The following SLC25A24 variants were observed in gnomAD, a reference collection of about 807,000 sequenced individuals.
The protein encoded by SLC25A24 is mitochondrial adenyl nucleotide antiporter SLC25A24.
SLC25A24 carries 49 observed loss-of-function variants against 60.7 expected under a neutral mutation model. That is an observed-to-expected ratio of 0.81 (90% CI 0.64 to 1.02). The LOEUF is 1.02. SLC25A24 is among the 50% of genes least tolerant of loss of function. The pLI is 0.00. For synonymous variants in SLC25A24, 202 were observed against 200.6 expected (o/e 1.01, Z -0.06); for missense variants, 564 against 586.3 (o/e 0.96, Z 0.39).
rs1380606227 is a variant in SLC25A24, at chr1:108,142,319, A to C, written c.1098+1224T>G. Among the ~76,000 whole-genome samples, 5 of 152,170 alleles carry C rather than the reference A, an allele frequency of 3.3e-5. No homozygotes were observed. The East Asian group carries it at 9.6e-4, about 29-fold the overall frequency. On this transcript the variant is annotated intron_variant, in intron 8 of 9. Transcript: ENST00000565488. ...AGACTCGAACAGATACGCAGATGCC[A>C]ATGTTCACTGCAGCATTATTCACAA...
intron 3 of SLC25A24, among the ~76,000 whole-genome samples, chr1:108,166,248 T>C (rs1001691463): frequency 3.9e-5 from 6 of 152,058 alleles, no homozygotes; most frequent in African/African-American, 1.4e-4. Context: ...ATTTCAACTT[T>C]GGTGAATCTG....
At position 108,145,168 on chromosome 1, in the gene SLC25A24, C is replaced by A. The variant is rs143296125; in HGVS notation, c.931-1458G>T. 2.6e-5 allele frequency among the ~76,000 whole-genome samples: 4 copies of A among 152,298 alleles called. No individual in the cohort carries two copies. In the East Asian group the frequency reaches 7.7e-4, roughly 29 times the overall value. ...TTTTGATTTGCATTTCTCTAACAAC[C>A]AGGGATGATGAGCCTTTTCTCACGT... On this transcript the variant is annotated intron_variant, in intron 7 of 9. Coordinates refer to ENST00000565488, the MANE Select transcript of SLC25A24 (RefSeq NM_013386.5).
chr1:108,146,189 G>A (rs1465898242), intron 7 of SLC25A24, among the ~76,000 whole-genome samples: 2 of 152,278 alleles, frequency 1.3e-5, no homozygotes, highest in South Asian at 2.1e-4. Context: ...GTGGATGGGA[G>A]TTCACTCGTG....
At chr1:108,173,016 T>C (rs961367260) in intron 3 of SLC25A24, among the ~76,000 whole-genome samples, 1 of 152,142 alleles carries the variant, frequency 6.6e-6, no homozygotes. Context: ...ATACCAATTA[T>C]ATATTAGTCA....
At chr1:108,164,717 A>G (rs555050227) in intron 3 of SLC25A24, among the ~76,000 whole-genome samples, 29 of 144,498 alleles carry the variant, frequency 2.0e-4, no homozygotes, top group African/African-American at 7.1e-4. Flanking sequence ...CGGTCTATCA[A>G]TTTTGTTGAT....
chr1:108,170,717 AATT>A (rs1647433669), intron 3 of SLC25A24, among the ~76,000 whole-genome samples: 1 of 152,036 alleles, frequency 6.6e-6, no homozygotes, highest in African/African-American at 2.4e-5. Context: ...TATTAATAAT[AATT>A]AACAGTTGAT....
chr1:108,194,947 TATAATA>T (rs1648447081), intron 1 of SLC25A24, among the ~76,000 whole-genome samples: 1 of 152,236 alleles, frequency 6.6e-6, no homozygotes, highest in Admixed American at 6.5e-5. Context: ...TTCCACAGCC[TATAATA>T]ATAACTATTA....
chr1:108,163,425 G>A (rs1405872829), intron 3 of SLC25A24, among the ~76,000 whole-genome samples: 1 of 150,406 alleles, frequency 6.6e-6, no homozygotes, highest in Non-Finnish European at 1.5e-5. Context: ...TCCTACCCAT[G>A]AGCATGGAAT....
intron 3 of SLC25A24, among the ~76,000 whole-genome samples, chr1:108,175,695 A>C (rs528836907): frequency 6.6e-6 from 1 of 152,282 alleles, no homozygotes; most frequent in South Asian, 2.1e-4. Flanking sequence ...TTCTCAAAAA[A>C]AAAATAAAAA....
intron 3 of SLC25A24, among the ~76,000 whole-genome samples, chr1:108,176,760 G>A (rs938952857): frequency 2.6e-5 from 4 of 152,052 alleles, no homozygotes; most frequent in Admixed American, 6.6e-5. Flanking sequence ...ACCAACCAAG[G>A]GTAATGTACC....
rs1648399040 is a variant in SLC25A24, at chr1:108,193,146, T to A, written c.183+6810A>T. ...TTGTTTGGCTGCACCTGTCTAGGAA[T>A]CCTTCTTTTTAAAAATCCTTATAAT... On this transcript the variant is annotated intron_variant, in intron 1 of 9. Coordinates refer to ENST00000565488, the MANE Select transcript of SLC25A24 (RefSeq NM_013386.5). 1.4e-5 allele frequency among the ~76,000 whole-genome samples: 2 copies of A among 140,130 alleles called. 1 individual carries two copies. The highest frequency in any genetic ancestry group is 3.1e-5 in the Non-Finnish European group (2 of 63,852). 91.9% of individuals were successfully genotyped at this position (140,130 alleles called of 152,430 possible).
At chr1:108,142,900 C>G (rs1229503876) in intron 8 of SLC25A24, among the ~76,000 whole-genome samples, 2 of 152,136 alleles carry the variant, frequency 1.3e-5, no homozygotes, top group African/African-American at 2.4e-5. Context: ...TTCGACTCTT[C>G]TTTTCATTAC....
In SLC25A24 at chr1:108,134,730, A is replaced by G. The variant is rs1462697212; in HGVS notation, c.*1923T>C. The G allele has an allele frequency of 6.6e-6, 1 of 152,108 alleles. No homozygotes were observed. Among genetic ancestry groups the G allele is most frequent in the Non-Finnish European group, 1.5e-5 (1 of 68,010 alleles). 9.4% of individuals were successfully genotyped at this position (152,108 alleles called of 1,614,324 possible). A position where few individuals can be genotyped will look rare whatever the true frequency, so the allele number is the denominator to read the frequency against. On this transcript the variant is annotated 3_prime_UTR_variant, in exon 10 of 10. Transcript: ENST00000565488. The stretch of plus-strand genomic sequence containing the variant: ...CTAAGCTAGCTAAGCTGTAGGATAC[A>G]ATTTTTGCTTTATTTATAATTTTTT...
In SLC25A24 at chr1:108,200,294, A is replaced by C; in HGVS notation, c.-156T>G. 1.8e-6 allele frequency: 1 copy of C among 569,746 alleles called. No homozygotes were observed. Among genetic ancestry groups the C allele is most frequent in the Admixed American group, 4.6e-5 (1 of 21,716 alleles). The allele number at this position is 569,746 out of a possible 1,614,324, so 35.3% of individuals were successfully genotyped here. On this transcript the variant is annotated 5_prime_UTR_variant, in exon 1 of 10. Transcript: ENST00000565488. ...GTTGCGGCTGCGGCGCGCAGGGCGC[A>C]GGGCGCAGGAGCGGAGACCCCACCC... is the stretch of plus-strand genomic sequence containing the variant.
intron 1 of SLC25A24, 138 bp downstream of exon 1, chr1:108,199,818 G>T: frequency 1.5e-6 from 1 of 684,148 alleles, no homozygotes; most frequent in Non-Finnish European, 2.4e-6. Context: ...AGTTTCTGAA[G>T]CCACCGGAGC....
At position 108,154,964 on chromosome 1, in the gene SLC25A24, C is replaced by T; in HGVS notation, c.822+19G>A. The T allele has an allele frequency of 1.3e-6, 2 of 1,572,420 alleles. No homozygotes were observed. The highest frequency in any genetic ancestry group is 1.2e-5 in the South Asian group (1 of 85,982). ...CTAACTCCTCTTTGTTAATAAATTC[C>T]ACGGGTGATAACAATTACCTGTTCA... On this transcript the variant is annotated intron_variant, in intron 6 of 9. Coordinates refer to ENST00000565488, the MANE Select transcript of SLC25A24 (RefSeq NM_013386.5).
intron 3 of SLC25A24, 57 bp downstream of exon 3, chr1:108,181,884 G>A: frequency 8.1e-7 from 1 of 1,237,362 alleles, no homozygotes. Context: ...CAAACACAGA[G>A]TTCTAATGCA....
In SLC25A24 at chr1:108,139,173, T is replaced by G. The variant is rs145479430; in HGVS notation, c.1134A>C (p.Lys378Asn). The G allele has an allele frequency of 1.3e-4, 216 of 1,607,798 alleles. No individual in the cohort carries two copies. The highest frequency in any genetic ancestry group is 1.8e-4 in the Non-Finnish European group (207 of 1,177,298). ...LKSYWLDNFA[K>N]DSVNPGVMVL... Reference sequence around the variant, plus strand: ...CCATGACTCCAGGGTTTACAGAATCTTTTGCAAAATTATCCAGCCAATAGG... The same window carrying G: ...CCATGACTCCAGGGTTTACAGAATCGTTTGCAAAATTATCCAGCCAATAGG... The change falls in exon 9 of 10, where the codon AAA becomes AAC. Residue 378 changes from lysine to asparagine, a missense_variant. Transcript: ENST00000565488.
At chr1:108,167,573 CCTTT>C (rs1419540784) in intron 3 of SLC25A24, among the ~76,000 whole-genome samples, 2 of 151,928 alleles carry the variant, frequency 1.3e-5, no homozygotes, top group African/African-American at 2.4e-5. Flanking sequence ...ATCTGTCACC[CCTTT>C]CTTTGACTAG....
Sources: gnomAD v4.1 joint callset for allele counts (sites outside exome capture counted in the v4.1 genomes callset) on GRCh38, gnomAD v4.1.1 for gene constraint, MANE v1.5 for transcripts, NCBI Gene and HGNC (gene_info 2026-07-23, HGNC 2026-07-21) for gene names.